DCX: variants seen among roughly 807,000 people sequenced by gnomAD.
DCX encodes doublecortin, also known as neuronal migration protein doublecortin.
Under a neutral mutation model 20.9 loss-of-function variants are expected in DCX, and 4 were observed. That is an observed-to-expected ratio of 0.19 (90% confidence interval 0.09 to 0.44). DCX has a LOEUF of 0.44. DCX is among the 20% of genes least tolerant of loss of function. The pLI is 0.99. For missense variants in DCX, 133 were observed against 296.9 expected, an observed-to-expected ratio of 0.45 and a Z score of 4.06; for synonymous variants, 103 against 111.4, an observed-to-expected ratio of 0.92 and a Z score of 0.47.
At chrX:111,320,377 A>T (rs2095083653) in intron 5 of DCX, among the ~76,000 whole-genome samples, 1 of 112,266 alleles carries the variant, frequency 8.9e-6, no homozygotes, top group Admixed American at 9.4e-5. Context: ...GGGTCTGATG[A>T]ACTTTGTGTC....
chrX:111,395,358 A>G (rs766957661), intron 3 of DCX, among the ~76,000 whole-genome samples: 1 of 112,170 alleles, frequency 8.9e-6, no homozygotes, highest in East Asian at 2.8e-4. Context: ...AGAGACTGGA[A>G]TTCTATGCCA....
At chrX:111,344,103 A>G (rs1250990168) in intron 3 of DCX, among the ~76,000 whole-genome samples, 3 of 112,401 alleles carry the variant, frequency 2.7e-5, no homozygotes, top group Non-Finnish European at 5.6e-5. Flanking sequence ...ATCAATAAAC[A>G]TAATCTATCA....
At chrX:111,408,510 C>T (rs994300265) in intron 2 of DCX, among the ~76,000 whole-genome samples, 5 of 109,563 alleles carry the variant, frequency 4.6e-5, no homozygotes, top group African/African-American at 1.3e-4. Context: ...ATCTCAGCTA[C>T]TTGGGAGGCT....
intron 3 of DCX, among the ~76,000 whole-genome samples, chrX:111,356,882 A>C (rs1019219128): frequency 8.9e-6 from 1 of 111,978 alleles, no homozygotes; most frequent in Non-Finnish European, 1.9e-5. Flanking sequence ...TTGAGACCTC[A>C]CTATATAAAT....
At chrX:111,381,807 G>A (rs1925992990) in intron 3 of DCX, among the ~76,000 whole-genome samples, 1 of 111,685 alleles carries the variant, frequency 9.0e-6, no homozygotes, top group Non-Finnish European at 1.9e-5. Context: ...CAAAGGAGAT[G>A]AGGCCTACAG....
intron 3 of DCX, among the ~76,000 whole-genome samples, chrX:111,366,960 C>T (rs1039588650): frequency 9.0e-6 from 1 of 111,731 alleles, no homozygotes; most frequent in African/African-American, 3.3e-5. Context: ...AGAATAGTAT[C>T]GTGAGTCTCT....
intron 3 of DCX, among the ~76,000 whole-genome samples, chrX:111,370,489 T>C (rs1301074899): frequency 5.4e-5 from 6 of 111,676 alleles, no homozygotes; most frequent in Non-Finnish European, 7.5e-5. Context: ...GAGGCACTTG[T>C]CTATAGCATG....
At chrX:111,402,649 G>C (rs1009923459) in intron 2 of DCX, among the ~76,000 whole-genome samples, 7 of 111,595 alleles carry the variant, frequency 6.3e-5, no homozygotes, top group Non-Finnish European at 1.1e-4. Context: ...TTATTGCTTT[G>C]CCATAGCACC....
intron 2 of DCX, among the ~76,000 whole-genome samples, chrX:111,404,630 C>T (rs1204170873): frequency 2.7e-5 from 3 of 111,968 alleles, no homozygotes; most frequent in African/African-American, 9.7e-5. Flanking sequence ...CACTAGGTGA[C>T]ACCTGAGTCC....
intron 3 of DCX, among the ~76,000 whole-genome samples, chrX:111,389,118 T>C (rs1926742590): frequency 1.8e-5 from 2 of 111,654 alleles, no homozygotes. Context: ...TGCCCTCTGG[T>C]CTACTGGAGA....
At chrX:111,372,763 C>G (rs1206140962) in intron 3 of DCX, among the ~76,000 whole-genome samples, 2 of 111,739 alleles carry the variant, frequency 1.8e-5, no homozygotes, top group Non-Finnish European at 3.8e-5. Context: ...TTGTCACTAT[C>G]AGGAAGCCTA....
At chrX:111,314,864 A>C (rs2095065994) in intron 5 of DCX, among the ~76,000 whole-genome samples, 1 of 111,582 alleles carries the variant, frequency 9.0e-6, no homozygotes, top group Non-Finnish European at 1.9e-5. Flanking sequence ...GAAGGAACAC[A>C]CTTCAAAATG....
intron 3 of DCX, among the ~76,000 whole-genome samples, chrX:111,379,227 A>G (rs961067663): frequency 1.8e-5 from 2 of 111,956 alleles, no homozygotes; most frequent in African/African-American, 3.2e-5. Flanking sequence ...TAATTTATAT[A>G]CCACGCAATT....
At chrX:111,371,935 C>T (rs200040592) in intron 3 of DCX, among the ~76,000 whole-genome samples, 49 of 8,697 alleles carry the variant, frequency 5.6e-3, no homozygotes, top group Middle Eastern at 0.1. Context: ...TATATGTGTA[C>T]ACACACACAC....
intron 3 of DCX, among the ~76,000 whole-genome samples, chrX:111,356,282 G>T (rs1424145306): frequency 8.9e-6 from 1 of 112,056 alleles, no homozygotes; most frequent in Non-Finnish European, 1.9e-5. Flanking sequence ...GTTAGGACTG[G>T]CAAAACATCT....
At chrX:111,339,715 C>G (rs1303838226) in intron 3 of DCX, among the ~76,000 whole-genome samples, 1 of 112,035 alleles carries the variant, frequency 8.9e-6, no homozygotes, top group Non-Finnish European at 1.9e-5. Context: ...CATCCAACTG[C>G]CTGTTCAATA....
At chrX:111,327,100 A>G (rs1393941852) in intron 5 of DCX, among the ~76,000 whole-genome samples, 2 of 112,264 alleles carry the variant, frequency 1.8e-5, no homozygotes, top group African/African-American at 6.5e-5. Context: ...AATTCCTGCT[A>G]AAGAGGAGCA....
At chrX:111,373,148 A>T (rs1925241874) in intron 3 of DCX, among the ~76,000 whole-genome samples, 1 of 112,231 alleles carries the variant, frequency 8.9e-6, no homozygotes, top group African/African-American at 3.2e-5. Flanking sequence ...CCATAGAGTT[A>T]ATGTCCCCAG....
At chrX:111,368,970 A>G (rs1281401871) in intron 3 of DCX, among the ~76,000 whole-genome samples, 1 of 108,823 alleles carries the variant, frequency 9.2e-6, no homozygotes, top group East Asian at 2.9e-4. Context: ...CATGATCACA[A>G]GGTTCCACAA....
Sources: allele counts gnomAD v4.1 joint callset (sites outside exome capture counted in the v4.1 genomes callset), GRCh38; gene constraint gnomAD v4.1.1; transcripts MANE v1.5; gene names NCBI Gene and HGNC (gene_info 2026-07-23, HGNC 2026-07-21).